Variants in WDR27 observed in about 807,000 individuals in gnomAD.
The protein encoded by WDR27 is WD repeat domain 27, also known as WD repeat-containing protein 27.
In WDR27, 100 loss-of-function variants were observed where a neutral mutation model predicts 114.4. That is an observed-to-expected ratio of 0.87 (90% confidence interval 0.74 to 1.03). WDR27 has a LOEUF of 1.03. Ranked by LOEUF, WDR27 falls within the 50% of genes least tolerant of loss-of-function variation. The pLI, the probability that WDR27 is intolerant of heterozygous loss-of-function variation, is 0.00. For synonymous variants in WDR27, 449 were observed against 423.1 expected (o/e 1.06, Z -0.75); for missense variants, 1,129 against 1,092.9 (o/e 1.03, Z -0.47).
chr6:169,667,663 C>T (rs955255229), intron 5 of WDR27, among the ~76,000 whole-genome samples: 2 of 152,220 alleles, frequency 1.3e-5, no homozygotes, highest in Non-Finnish European at 2.9e-5. Flanking sequence ...CACCCTGGGA[C>T]TGGCTCTTCT....
At chr6:169,556,198 G>A (rs1212998168) in intron 25 of WDR27, among the ~76,000 whole-genome samples, 2 of 152,230 alleles carry the variant, frequency 1.3e-5, no homozygotes, top group Admixed American at 6.5e-5. Flanking sequence ...GGGAGCTGAT[G>A]ATGGCTTCCA....
chr6:169,496,050 T>G (rs1790364936), intron 25 of WDR27, among the ~76,000 whole-genome samples: 1 of 152,016 alleles, frequency 6.6e-6, no homozygotes, highest in Non-Finnish European at 1.5e-5. Context: ...TAACAGCATA[T>G]TAAAAGGATT....
chr6:169,662,654 C>T (rs6911197), intron 8 of WDR27, among the ~76,000 whole-genome samples: 39 of 113,348 alleles, frequency 3.4e-4, no homozygotes, highest in African/African-American at 8.6e-4. Flanking sequence ...GCATGACGCG[C>T]ATGCACCGCG....
chr6:169,618,782 C>G (rs1169346613), intron 21 of WDR27, among the ~76,000 whole-genome samples: 1 of 152,074 alleles, frequency 6.6e-6, no homozygotes, highest in Non-Finnish European at 1.5e-5. Flanking sequence ...TGTATTTGGA[C>G]TTGTAGGATG....
At chr6:169,588,006 T>C (rs1804982713) in intron 23 of WDR27, among the ~76,000 whole-genome samples, 1 of 152,256 alleles carries the variant, frequency 6.6e-6, no homozygotes, top group African/African-American at 2.4e-5. Context: ...ATGGGCCCCA[T>C]GGTGTAATTC....
intron 25 of WDR27, among the ~76,000 whole-genome samples, chr6:169,524,863 T>G (rs1344816659): frequency 1.3e-5 from 2 of 152,184 alleles, no homozygotes; most frequent in Non-Finnish European, 2.9e-5. Flanking sequence ...TCAAGGATTG[T>G]GGTCTGGGCA....
rs1329535824 is a variant in WDR27 at position 169,659,157 on chromosome 6, C to G, written c.1248G>C (p.Glu416Asp). 8.7e-6 allele frequency: 14 copies of G among 1,611,492 alleles called. No homozygotes were observed. The highest frequency in any genetic ancestry group is 1.1e-5 in the Non-Finnish European group (13 of 1,178,846). ...SLFGGKIAVL[E>D]INPAALVRAQ... The stretch of plus-strand genomic sequence containing the variant: ...CCCTGACTAGCGCGGCCGGGTTGAT[C>G]TCCAACACGGCAATCTTCCCGCCAA... The change falls in exon 12 of 26, where the codon GAG becomes GAC. Residue 416 changes from glutamate (E) to aspartate (D), a missense_variant. Transcript: ENST00000448612. This position sits in a 1 kb window ranked among gnomAD's most constrained non-coding sequence, Gnocchi z 4.3.
At chr6:169,664,134 G>A (rs374756918) in intron 8 of WDR27, 32 bp downstream of exon 8, 12 of 1,540,906 alleles carry the variant, frequency 7.8e-6, no homozygotes, top group Non-Finnish European at 1.0e-5. Flanking sequence ...TGGGCCAAGT[G>A]GGAGGCCTGA....
intron 17 of WDR27, 44 bp downstream of exon 17, chr6:169,643,653 C>A: frequency 6.5e-7 from 1 of 1,535,790 alleles, no homozygotes; most frequent in Non-Finnish European, 9.0e-7. Context: ...CTAAGTGAGA[C>A]CCATCCTTAA....
chr6:169,444,411 G>A, the WDR27 span, among the ~76,000 whole-genome samples: 14 of 152,198 alleles, frequency 9.2e-5, no homozygotes, highest in African/African-American at 3.4e-4. Context: ...GCCCCGTGTC[G>A]GATGATTTCA....
intron 13 of WDR27, among the ~76,000 whole-genome samples, chr6:169,656,122 G>A (rs1001850555): frequency 6.6e-5 from 10 of 152,052 alleles, no homozygotes; most frequent in Admixed American, 2.6e-4. Context: ...TGAGTTTGGG[G>A]CTTTTATGGA....
chr6:169,469,140 C>A (rs1367720101), intron 25 of WDR27, among the ~76,000 whole-genome samples: 3 of 152,178 alleles, frequency 2.0e-5, no homozygotes, highest in African/African-American at 7.2e-5. Flanking sequence ...GGCCCCTGTA[C>A]ACTCATGTTC....
At chr6:169,430,634 A>G in the WDR27 span, among the ~76,000 whole-genome samples, 3 of 152,234 alleles carry the variant, frequency 2.0e-5, no homozygotes, top group African/African-American at 7.2e-5. Flanking sequence ...CTTGGAAGAA[A>G]CTTTACCGAC....
At chr6:169,576,010 A>G (rs987359954) in intron 24 of WDR27, among the ~76,000 whole-genome samples, 3 of 152,318 alleles carry the variant, frequency 2.0e-5, no homozygotes, top group Admixed American at 6.5e-5. Context: ...TATTTCAGAG[A>G]CGTGTCTGAT....
At chr6:169,485,579 C>T (rs2115408783) in intron 25 of WDR27, among the ~76,000 whole-genome samples, 1 of 152,240 alleles carries the variant, frequency 6.6e-6, no homozygotes, top group East Asian at 1.9e-4. Context: ...GTTAGTTCAA[C>T]CATTGTGGAA....
rs1456188635 is a variant in WDR27, at chr6:169,633,090, G to A, written c.2102-22C>T. ...ATGTCTGCGATAATCCAGTTAGGGA[G>A]CTCTTCTCAACACTCTTACCCATGG... On this transcript the variant is annotated intron_variant, in intron 20 of 25. Coordinates refer to ENST00000448612, the MANE Select transcript of WDR27 (RefSeq NM_182552.5). 3.8e-6 allele frequency: 6 copies of A among 1,570,696 alleles called. No homozygotes were observed. In the Admixed American group the frequency reaches 6.8e-5, roughly 18 times the overall value.
chr6:169,574,438 TAAAAC>T (rs71010603), intron 24 of WDR27, among the ~76,000 whole-genome samples: 2 of 151,310 alleles, frequency 1.3e-5, no homozygotes, highest in Admixed American at 6.6e-5. Context: ...TAAAATGTAT[TAAAAC>T]AAAACAAAAA....
intron 25 of WDR27, among the ~76,000 whole-genome samples, chr6:169,488,503 T>C (rs559876944): frequency 5.1e-4 from 77 of 152,364 alleles, no homozygotes; most frequent in Middle Eastern, 3.4e-3. Context: ...AAATGAGCAG[T>C]GTCAGAAGCA....
intron 25 of WDR27, among the ~76,000 whole-genome samples, chr6:169,471,736 T>C (rs144632649): frequency 3.8e-4 from 58 of 152,318 alleles, no homozygotes; most frequent in African/African-American, 1.2e-3. Flanking sequence ...AATAATATCT[T>C]AGGTGATCTG....
Sources: gnomAD v4.1 joint callset for allele counts (sites outside exome capture counted in the v4.1 genomes callset) on GRCh38, gnomAD v4.1.1 for gene constraint, Gnocchi (gnomAD v3.1) non-coding constraint, MANE v1.5 for transcripts, NCBI Gene and HGNC (gene_info 2026-07-23, HGNC 2026-07-21) for gene names.